SNTG2: variants seen among roughly 807,000 people sequenced by gnomAD.
SNTG2 encodes syntrophin gamma 2.
A neutral mutation model predicts 70.9 loss-of-function variants in SNTG2; 74 were observed. That is an observed-to-expected ratio of 1.04 (90% confidence interval 0.86 to 1.27). The LOEUF is 1.27. Ranked by LOEUF, SNTG2 falls within the 50% of genes most tolerant of loss-of-function variation. The probability of loss-of-function intolerance (pLI) is 0.00; values close to 1 mark genes in which losing one functional copy is unlikely to be tolerated. For synonymous variants in SNTG2, 278 were observed against 273.8 expected, an observed-to-expected ratio of 1.02 and a Z score of -0.15; for missense variants, 717 against 690.7, an observed-to-expected ratio of 1.04 and a Z score of -0.43.
chr2:1,357,891 T>C (rs1412781405), intron 16 of SNTG2, among the ~76,000 whole-genome samples: 1 of 152,122 alleles, frequency 6.6e-6, no homozygotes, highest in Non-Finnish European at 1.5e-5. Flanking sequence ...TTTTCTCTAT[T>C]TTTTTCTTAG....
At chr2:1,175,626 T>G (rs943461309) in intron 8 of SNTG2, among the ~76,000 whole-genome samples, 1 of 152,172 alleles carries the variant, frequency 6.6e-6, no homozygotes, top group Non-Finnish European at 1.5e-5. Context: ...TCCTACAGAG[T>G]CTTTTTAAAA....
intron 1 of SNTG2, 30 bp downstream of exon 1, chr2:951,098 C>G (rs1659940341): frequency 3.4e-6 from 4 of 1,177,872 alleles, no homozygotes; most frequent in Non-Finnish European, 4.3e-6. Context: ...GCCCCTTCAC[C>G]TCCGGCCCCC....
At chr2:1,076,022 G>A (rs1225164562) in intron 1 of SNTG2, among the ~76,000 whole-genome samples, 1 of 152,212 alleles carries the variant, frequency 6.6e-6, no homozygotes, top group Non-Finnish European at 1.5e-5. Context: ...CGTGGCAGAC[G>A]TCGTCGGACG....
intron 1 of SNTG2, among the ~76,000 whole-genome samples, chr2:980,062 G>A (rs6548295): frequency 0.3 from 46,089 of 152,014 alleles, 7,395 homozygotes; most frequent in Middle Eastern, 0.4. Context: ...TTTTATGCCA[G>A]AGAGTATCTA....
chr2:1,098,073 C>A, intron 2 of SNTG2, 123 bp from the exon 3 acceptor site: 1 of 1,082,970 alleles, frequency 9.2e-7, no homozygotes, highest in Admixed American at 1.9e-5. Context: ...CATATTTAGC[C>A]AAAGTTGCTT....
At chr2:1,046,905 T>C (rs1216041591) in intron 1 of SNTG2, among the ~76,000 whole-genome samples, 1 of 152,200 alleles carries the variant, frequency 6.6e-6, no homozygotes, top group Non-Finnish European at 1.5e-5. Flanking sequence ...CGTTGACCTT[T>C]CTAGCGAGAA....
chr2:1,263,432 AT>A (rs2148175529), intron 13 of SNTG2, among the ~76,000 whole-genome samples: 1 of 152,290 alleles, frequency 6.6e-6, no homozygotes, highest in East Asian at 1.9e-4. Flanking sequence ...AATTCCCTTT[AT>A]TGTTGCTATA....
chr2:1,066,802 C>A (rs959146859), intron 1 of SNTG2, among the ~76,000 whole-genome samples: 2 of 152,000 alleles, frequency 1.3e-5, no homozygotes, highest in East Asian at 3.9e-4. Context: ...GCTGAATGAC[C>A]GTAGAACGGT....
intron 16 of SNTG2, among the ~76,000 whole-genome samples, chr2:1,346,223 C>G (rs1158392950): frequency 2.8e-5 from 1 of 35,574 alleles, no homozygotes; most frequent in Non-Finnish European, 4.8e-5. Context: ...GGCACTTTTC[C>G]CCCTGTTCTG....
At chr2:964,744 C>A (rs1009470876) in intron 1 of SNTG2, among the ~76,000 whole-genome samples, 1 of 152,196 alleles carries the variant, frequency 6.6e-6, no homozygotes, top group African/African-American at 2.4e-5. Context: ...GAGCCCTGGG[C>A]ACTCTGCCAC....
chr2:1,273,249 T>C (rs902675016), intron 14 of SNTG2, among the ~76,000 whole-genome samples: 1 of 152,210 alleles, frequency 6.6e-6, no homozygotes, highest in African/African-American at 2.4e-5. Context: ...GTTTGCTCTC[T>C]GGTCTGAGCT....
chr2:1,221,285 C>T (rs950276139), intron 9 of SNTG2, among the ~76,000 whole-genome samples: 1 of 148,386 alleles, frequency 6.7e-6, no homozygotes, highest in African/African-American at 2.5e-5. Context: ...CTCTGCCTCT[C>T]TCTGTCTCTC....
chr2:1,313,646 TA>T (rs1451344487), intron 15 of SNTG2, among the ~76,000 whole-genome samples: 1 of 152,154 alleles, frequency 6.6e-6, no homozygotes, highest in Non-Finnish European at 1.5e-5. Context: ...GTGAAACAGT[TA>T]AAAGAGGCCA....
chr2:998,521 A>G (rs1282401376), intron 1 of SNTG2, among the ~76,000 whole-genome samples: 2 of 151,978 alleles, frequency 1.3e-5, no homozygotes, highest in Non-Finnish European at 2.9e-5. Flanking sequence ...ATACTGTTGA[A>G]GGCAGTAACA....
intron 1 of SNTG2, among the ~76,000 whole-genome samples, chr2:957,349 C>T (rs538410554): frequency 5.9e-5 from 9 of 152,140 alleles, no homozygotes; most frequent in Admixed American, 3.9e-4. Flanking sequence ...GGATGGGGAA[C>T]GGTGGTGGGA....
chr2:1,221,041 G>A (rs192247825), intron 9 of SNTG2, among the ~76,000 whole-genome samples: 1 of 152,342 alleles, frequency 6.6e-6, no homozygotes, highest in African/African-American at 2.4e-5. Flanking sequence ...GCCTTCTCTG[G>A]GTGGAACTGC....
intron 4 of SNTG2, among the ~76,000 whole-genome samples, chr2:1,109,120 G>A (rs1046827852): frequency 7.9e-5 from 12 of 152,102 alleles, no homozygotes; most frequent in African/African-American, 2.9e-4. Context: ...AGGGTATGGA[G>A]AGCTGGATGC....
chr2:1,170,442 A>G (rs1482959491), intron 7 of SNTG2, among the ~76,000 whole-genome samples: 2 of 152,108 alleles, frequency 1.3e-5, no homozygotes, highest in African/African-American at 4.8e-5. Flanking sequence ...TTTGTGGGTA[A>G]TCAGGAAGGG....
intron 4 of SNTG2, among the ~76,000 whole-genome samples, chr2:1,124,303 T>A (rs942024192): frequency 6.0e-5 from 9 of 149,612 alleles, no homozygotes; most frequent in African/African-American, 1.7e-4. Context: ...AGTCTTTTTT[T>A]AATTTTTCTC....
Sources: gnomAD v4.1 joint callset for allele counts (sites outside exome capture counted in the v4.1 genomes callset) on GRCh38, gnomAD v4.1.1 for gene constraint, MANE v1.5 for transcripts, NCBI Gene and HGNC (gene_info 2026-07-23, HGNC 2026-07-21) for gene names.